The following MIA3 variants were observed in gnomAD, a reference collection of about 807,000 sequenced individuals.
MIA3 encodes the protein MIA SH3 domain ER export factor 3.
In MIA3, 90 loss-of-function variants were observed where a neutral mutation model predicts 192.4. The ratio of observed to expected loss-of-function variants is 0.47; its 90% CI spans 0.39 to 0.56. The LOEUF is 0.56. Among genes scored for constraint, MIA3 ranks in the 20% least tolerant of loss-of-function variants. The probability of loss-of-function intolerance (pLI) is 0.00; values close to 1 mark genes in which losing one functional copy is unlikely to be tolerated. For synonymous variants in MIA3, 740 were observed against 792.8 expected, an observed-to-expected ratio of 0.93 and a Z score of 1.12; for missense variants, 2,123 against 2,269.4, an observed-to-expected ratio of 0.94 and a Z score of 1.31.
rs1253127105 is a variant in MIA3 at position 222,628,207 on chromosome 1, A to G, written c.987A>G (p.Pro329=). 1 of 1,614,038 alleles carries G rather than the reference A, an allele frequency of 6.2e-7. No individual in the cohort carries two copies. Among genetic ancestry groups the G allele is most frequent in the African/African-American group, 1.3e-5 (1 of 74,946 alleles). The change falls in exon 4 of 28, where the codon CCA becomes CCG. Residue 329 remains proline, a synonymous_variant. Coordinates refer to ENST00000344922, the MANE Select transcript of MIA3 (RefSeq NM_198551.4). ...ACCAAGAAGACTTTGATGAGTTGCC[A>G]TTACTTACCTTTACAGATGGGGAAG... ...EENQEDFDEL[P]LLTFTDGEDM...
chr1:222,624,994 T>A, intron 3 of MIA3, 140 bp downstream of exon 3: 1 of 520,274 alleles, frequency 1.9e-6, no homozygotes. Context: ...AAATAGATGT[T>A]CTTATATAAG....
chr1:222,637,375 G>T (rs1662673135), intron 6 of MIA3, among the ~76,000 whole-genome samples: 1 of 152,134 alleles, frequency 6.6e-6, no homozygotes, highest in Admixed American at 6.5e-5. Flanking sequence ...TAACATCTGG[G>T]TGTCCCTCTT....
chr1:222,658,780 G>C lies in MIA3; in HGVS notation c.4666G>C (p.Asp1556His). 1 of 1,613,436 alleles carries C rather than the reference G, an allele frequency of 6.2e-7. No homozygotes were observed. Among genetic ancestry groups the C allele is most frequent in the Middle Eastern group, 1.7e-4 (1 of 6,060 alleles). Reference sequence around the variant, plus strand: ...AAGAGAGCACAGGCTGTCAGCTGCAGATGAAAAGGCAGTTTCGGCTGCAGA... The same window carrying C: ...AAGAGAGCACAGGCTGTCAGCTGCACATGAAAAGGCAGTTTCGGCTGCAGA... Reference protein sequence around the residue: ...QEREHRLSAADEKAVSAAEEV... With the variant: ...QEREHRLSAAHEKAVSAAEEV... The change falls in exon 19 of 28, where the codon GAT becomes CAT. Residue 1556 changes from aspartate to histidine, a missense_variant. Transcript: ENST00000344922.
chr1:222,638,603 G>C (rs1325943727), intron 6 of MIA3, among the ~76,000 whole-genome samples: 1 of 151,988 alleles, frequency 6.6e-6, no homozygotes, highest in Non-Finnish European at 1.5e-5. Flanking sequence ...AGGCTGAAGT[G>C]GGAAGGTTGC....
chr1:222,643,865 A>G (rs1662979435), intron 6 of MIA3, among the ~76,000 whole-genome samples: 1 of 152,196 alleles, frequency 6.6e-6, no homozygotes, highest in African/African-American at 2.4e-5. Flanking sequence ...AGACTTTTTA[A>G]TAGAGTGTCG....
In MIA3 at chr1:222,630,183, G is replaced by A; in HGVS notation, c.2963G>A (p.Ser988Asn). 1.9e-6 allele frequency: 3 copies of A among 1,614,154 alleles called. No individual in the cohort carries two copies. The highest frequency in any genetic ancestry group is 2.5e-6 in the Non-Finnish European group (3 of 1,180,012). Residue 988 changes from serine to asparagine, a missense_variant, in exon 4 of 28, where the codon AGC (serine) becomes AAC (asparagine). Coordinates refer to ENST00000344922, the MANE Select transcript of MIA3 (RefSeq NM_198551.4). The stretch of plus-strand genomic sequence containing the variant: ...CGTGCTTCTGAGTCACAAATTCTGA[G>A]CATAGCAGAAAAAATGCTTGATACT... ...VFRASESQIL[S>N]IAEKMLDTRV...
chr1:222,654,205 G>A (rs1410373171), intron 15 of MIA3, 38 bp from the exon 16 acceptor site: 3 of 1,588,792 alleles, frequency 1.9e-6, no homozygotes, highest in African/African-American at 1.4e-5. Context: ...AAAAGCAAGG[G>A]AAGAAAAAGC....
chr1:222,629,894 C>T lies in MIA3; in HGVS notation c.2674C>T (p.Gln892Ter). 1 of 1,614,016 alleles carries T rather than the reference C, an allele frequency of 6.2e-7. No homozygotes were observed. The highest frequency in any genetic ancestry group is 8.5e-7 in the Non-Finnish European group (1 of 1,180,004). The change falls in exon 4 of 28, where the codon CAG becomes TAG. Residue 892 changes from glutamine (Q) to a stop codon, truncating the protein, a stop_gained. Coordinates refer to ENST00000344922, the MANE Select transcript of MIA3 (RefSeq NM_198551.4). LOFTEE classifies it high-confidence loss of function. ...AGAGAAGTACATGGGCACAGAAAGC[C>T]AGGGGTCTGCTGCTGCAGAACCTGA... ...NTEKYMGTES[Q>*]GSAAAEPEDD... is the part of the protein sequence containing the mutation.
chr1:222,639,733 G>A (rs1488921612), intron 6 of MIA3, among the ~76,000 whole-genome samples: 3 of 152,068 alleles, frequency 2.0e-5, no homozygotes, highest in Non-Finnish European at 2.9e-5. Flanking sequence ...AACTAGGAAT[G>A]GAAGGGAACT....
chr1:222,624,634 G>C, intron 2 of MIA3, 134 bp from the exon 3 acceptor site: 1 of 587,042 alleles, frequency 1.7e-6, no homozygotes, highest in Middle Eastern at 3.4e-4. Flanking sequence ...AAATAGCGGA[G>C]AAAAGTAATG....
intron 1 of MIA3, among the ~76,000 whole-genome samples, chr1:222,618,751 T>C (rs958426024): frequency 6.6e-6 from 1 of 152,068 alleles, no homozygotes; most frequent in African/African-American, 2.4e-5. Context: ...GTTTTCCCAG[T>C]GGCAGGTTGA....
chr1:222,640,520 A>G (rs1662806328), intron 6 of MIA3, among the ~76,000 whole-genome samples: 1 of 152,186 alleles, frequency 6.6e-6, no homozygotes, highest in Non-Finnish European at 1.5e-5. Flanking sequence ...TGTACAAAGG[A>G]AAGTCTTTTC....
At position 222,629,525 on chromosome 1, in the gene MIA3, A is replaced by G. The variant is rs772674922; in HGVS notation, c.2305A>G (p.Ile769Val). The G allele has an allele frequency of 8.1e-6, 13 of 1,614,036 alleles. No individual in the cohort carries two copies. The Admixed American group carries it at 1.7e-4, about 21-fold the overall frequency. Reference protein sequence around the residue: ...QVPDRAVLGTIHPDPEIEESK... With the variant: ...QVPDRAVLGTVHPDPEIEESK... ...CCCTGACAGAGCAGTTTTAGGGACC[A>G]TTCATCCAGATCCAGAAATTGAAGA... The change falls in exon 4 of 28, where the codon ATT becomes GTT. Residue 769 changes from isoleucine (I) to valine (V), a missense_variant. Around this residue, in one of 3 missense-constraint regions of MIA3, gnomAD observed 1,357 missense variants for 1,396.1 expected, o/e 0.97. Coordinates refer to ENST00000344922, the MANE Select transcript of MIA3 (RefSeq NM_198551.4).
chr1:222,634,900 A>T (rs1662562556), intron 6 of MIA3, among the ~76,000 whole-genome samples: 1 of 152,222 alleles, frequency 6.6e-6, no homozygotes, highest in Admixed American at 6.5e-5. Context: ...TCATCTGAAA[A>T]ATTTAGATAA....
chr1:222,624,364 A>G (rs1414966998), intron 2 of MIA3, among the ~76,000 whole-genome samples: 1 of 152,270 alleles, frequency 6.6e-6, no homozygotes, highest in Non-Finnish European at 1.5e-5. Flanking sequence ...TAATTGTGCT[A>G]CCTACTGTAC....
chr1:222,625,284 C>T (rs138864806), intron 3 of MIA3, among the ~76,000 whole-genome samples: 4,050 of 152,292 alleles, frequency 0.027, 76 homozygotes, highest in Non-Finnish European at 0.043. Flanking sequence ...GGATTACATG[C>T]GTGAGCCACT....
At chr1:222,634,161 T>C (rs1037404882) in intron 6 of MIA3, among the ~76,000 whole-genome samples, 2 of 151,720 alleles carry the variant, frequency 1.3e-5, no homozygotes, top group African/African-American at 4.8e-5. Flanking sequence ...TGTTAAAGTG[T>C]GGAGTTAAAA....
At chr1:222,644,222 A>T in intron 6 of MIA3, 1 of 1,163,032 alleles carries the variant, frequency 8.6e-7, no homozygotes, top group Non-Finnish European at 1.1e-6. Context: ...TCCCCTCGAT[A>T]GTTGGTTCCG....
intron 3 of MIA3, 149 bp downstream of exon 3, chr1:222,625,003 A>C: frequency 2.0e-6 from 1 of 502,918 alleles, no homozygotes. Context: ...TTCTTATATA[A>C]GGCTATGTAC....
Sources: gnomAD v4.1 joint callset for allele counts (sites outside exome capture counted in the v4.1 genomes callset) on GRCh38, gnomAD v4.1.1 for gene constraint, gnomAD v4.1.1 regional missense constraint, MANE v1.5 for transcripts, NCBI Gene and HGNC (gene_info 2026-07-23, HGNC 2026-07-21) for gene names.